SYNPR: variants seen among roughly 807,000 people sequenced by gnomAD.
SYNPR encodes the protein synaptoporin.
SYNPR carries 23 observed loss-of-function variants against 32.9 expected under a neutral mutation model. That is an observed-to-expected ratio of 0.70 (90% confidence interval 0.50 to 0.99). The LOEUF (loss-of-function observed/expected upper bound fraction) is 0.99. SYNPR is among the 50% of genes least tolerant of loss of function. The pLI is 0.00. For missense variants in SYNPR, 318 were observed against 349.3 expected (o/e 0.91, Z 0.71); for synonymous variants, 146 against 135.9 (o/e 1.07, Z -0.52).
chr3:63,603,932 A>G lies in SYNPR; in HGVS notation c.409-5193A>G, dbSNP rs1700080774. ...AATAGTTTTGGTAGGAATGGTCCCA[A>G]TTCTTTATACATCTGGTAGAGTTTG... On this transcript the variant is annotated intron_variant, in intron 4 of 5. Coordinates refer to ENST00000478300, the MANE Select transcript of SYNPR (RefSeq NM_001130003.2). 4.6e-5 allele frequency among the ~76,000 whole-genome samples: 7 copies of G among 152,168 alleles called. 1 individual carries two copies. In the South Asian group the frequency reaches 1.5e-3, roughly 32 times the overall value.
chr3:63,473,465 CT>C (rs1365233105), intron 2 of SYNPR, among the ~76,000 whole-genome samples: 1 of 152,178 alleles, frequency 6.6e-6, no homozygotes, highest in African/African-American at 2.4e-5. Context: ...ATGCCAAGCA[CT>C]GTGCAAGGTG....
At chr3:63,336,191 A>G (rs1430488904) in intron 2 of SYNPR, among the ~76,000 whole-genome samples, 2 of 152,132 alleles carry the variant, frequency 1.3e-5, no homozygotes, top group Non-Finnish European at 2.9e-5. Context: ...TAATTAGGTA[A>G]AATAATTATA....
intron 4 of SYNPR, among the ~76,000 whole-genome samples, chr3:63,586,654 A>ATGTGTGTGTGTGTGTGTGTGTGTGTGTG (rs10530383): frequency 1.4e-5 from 2 of 143,632 alleles, no homozygotes; most frequent in East Asian, 4.1e-4. Flanking sequence ...TGCAGATTCA[A>ATGTGTGTGTGTGTGTGTGTGTGTGTGTG]TGTGTGTGTG....
intron 3 of SYNPR, among the ~76,000 whole-genome samples, chr3:63,513,850 A>C (rs1450935191): frequency 6.6e-6 from 1 of 152,100 alleles, no homozygotes; most frequent in Non-Finnish European, 1.5e-5. Context: ...GAAAAGAAAA[A>C]GTAGACTATT....
intron 2 of SYNPR, among the ~76,000 whole-genome samples, chr3:63,440,590 G>A (rs1700152312): frequency 1.3e-5 from 2 of 152,016 alleles, no homozygotes; most frequent in African/African-American, 2.4e-5. Flanking sequence ...TGCTCTATCT[G>A]GAAAAAAATA....
chr3:63,593,360 T>C (rs930970687), intron 4 of SYNPR, among the ~76,000 whole-genome samples: 46 of 152,272 alleles, frequency 3.0e-4, no homozygotes, highest in South Asian at 1.5e-3. Context: ...TACGACAGTA[T>C]TGCAGAAAGC....
intron 2 of SYNPR, among the ~76,000 whole-genome samples, chr3:63,295,964 T>C (rs573068749): frequency 6.6e-6 from 1 of 152,240 alleles, no homozygotes; most frequent in Non-Finnish European, 1.5e-5. Flanking sequence ...TTGGTTAGCC[T>C]GCCTTTGAAG....
At chr3:63,405,241 A>G (rs776924146) in intron 2 of SYNPR, among the ~76,000 whole-genome samples, 6 of 152,184 alleles carry the variant, frequency 3.9e-5, no homozygotes, top group African/African-American at 1.4e-4. Flanking sequence ...TCAGAATTCA[A>G]TGGGAAAATA....
intron 2 of SYNPR, among the ~76,000 whole-genome samples, chr3:63,442,024 C>T (rs1386108679): frequency 6.6e-6 from 1 of 152,182 alleles, no homozygotes; most frequent in Non-Finnish European, 1.5e-5. Flanking sequence ...CCCAAGTTGC[C>T]TGACTCCTCG....
chr3:63,341,353 T>A (rs2087368533), intron 2 of SYNPR, among the ~76,000 whole-genome samples: 1 of 152,200 alleles, frequency 6.6e-6, no homozygotes, highest in Non-Finnish European at 1.5e-5. Context: ...AGTTTTCAAC[T>A]CATTTAGGTA....
intron 1 of SYNPR, among the ~76,000 whole-genome samples, chr3:63,231,402 A>G (rs113474082): frequency 0.059 from 8,949 of 152,180 alleles, 339 homozygotes; most frequent in Middle Eastern, 0.088. Flanking sequence ...TGATGGGTGC[A>G]CCAAAATCTC....
intron 2 of SYNPR, among the ~76,000 whole-genome samples, chr3:63,429,356 A>G (rs1159905887): frequency 6.6e-6 from 1 of 152,210 alleles, no homozygotes; most frequent in East Asian, 1.9e-4. Flanking sequence ...TCTCCAAAAT[A>G]TATCCAATGG....
chr3:63,365,081 A>C (rs1248092657), intron 2 of SYNPR, among the ~76,000 whole-genome samples: 2 of 152,180 alleles, frequency 1.3e-5, no homozygotes, highest in African/African-American at 2.4e-5. Flanking sequence ...TAATTACAGA[A>C]ACTATTTAGG....
At chr3:63,389,035 C>T (rs926930572) in intron 2 of SYNPR, among the ~76,000 whole-genome samples, 2 of 152,028 alleles carry the variant, frequency 1.3e-5, no homozygotes, top group Non-Finnish European at 1.5e-5. Flanking sequence ...TTATTTTTAT[C>T]GAATTTTGAT....
At chr3:63,471,699 T>G (rs1360058267) in intron 2 of SYNPR, among the ~76,000 whole-genome samples, 1 of 152,140 alleles carries the variant, frequency 6.6e-6, no homozygotes, top group Non-Finnish European at 1.5e-5. Context: ...ATGGCTACTA[T>G]TGAGGTAATC....
chr3:63,208,893 T>C, the SYNPR span, among the ~76,000 whole-genome samples: 1 of 152,208 alleles, frequency 6.6e-6, no homozygotes. Context: ...ATTTACCTTT[T>C]ACAATGTACT....
chr3:63,308,002 C>A (rs2086924089), intron 2 of SYNPR, among the ~76,000 whole-genome samples: 1 of 150,916 alleles, frequency 6.6e-6, no homozygotes, highest in African/African-American at 2.4e-5. Flanking sequence ...ATTTGAAGGA[C>A]AAAGAGAAAA....
At chr3:63,596,811 C>T (rs1699967839) in intron 4 of SYNPR, among the ~76,000 whole-genome samples, 2 of 152,136 alleles carry the variant, frequency 1.3e-5, no homozygotes, top group South Asian at 4.1e-4. Flanking sequence ...GCATCACTGT[C>T]ACTTGACCAT....
At chr3:63,607,871 T>A (rs1700146135) in intron 4 of SYNPR, among the ~76,000 whole-genome samples, 1 of 114,562 alleles carries the variant, frequency 8.7e-6, no homozygotes, top group Non-Finnish European at 1.9e-5. Flanking sequence ...GAAAAGTAAT[T>A]CAGCCACACC....
Sources: gnomAD v4.1 joint callset for allele counts (sites outside exome capture counted in the v4.1 genomes callset) on GRCh38, gnomAD v4.1.1 for gene constraint, MANE v1.5 for transcripts, NCBI Gene and HGNC (gene_info 2026-07-23, HGNC 2026-07-21) for gene names.